CTNNA3: variants seen among roughly 807,000 people sequenced by gnomAD.
CTNNA3 encodes catenin alpha-3.
Under a neutral mutation model 95.7 loss-of-function variants are expected in CTNNA3, and 76 were observed. The ratio of observed to expected loss-of-function variants is 0.79; its 90% CI spans 0.66 to 0.96. The LOEUF (loss-of-function observed/expected upper bound fraction) is 0.96. Among genes scored for constraint, CTNNA3 ranks in the 40% least tolerant of loss-of-function variants. CTNNA3 has a pLI of 0.00. For synonymous variants in CTNNA3, 431 were observed against 374.4 expected, an observed-to-expected ratio of 1.15 and a Z score of -1.74; for missense variants, 1,191 against 1,089.8, an observed-to-expected ratio of 1.09 and a Z score of -1.31.
intron 11 of CTNNA3, among the ~76,000 whole-genome samples, chr10:66,438,986 C>G (rs1352441943): frequency 6.6e-6 from 1 of 152,072 alleles, no homozygotes; most frequent in African/African-American, 2.4e-5. Context: ...TGAGGTGATG[C>G]CCCACCCTGC....
intron 12 of CTNNA3, among the ~76,000 whole-genome samples, chr10:66,335,136 T>C (rs1260293168): frequency 6.6e-6 from 1 of 152,006 alleles, no homozygotes; most frequent in African/African-American, 2.4e-5. Context: ...TTTGTCAAAT[T>C]TTTTTTCAAG....
chr10:66,968,216 G>C (rs2132812663), intron 7 of CTNNA3, among the ~76,000 whole-genome samples: 1 of 151,890 alleles, frequency 6.6e-6, no homozygotes, highest in Non-Finnish European at 1.5e-5. Flanking sequence ...TATGTTGCTG[G>C]CTGTGGATTT....
intron 10 of CTNNA3, among the ~76,000 whole-genome samples, chr10:66,523,578 A>G (rs1841145722): frequency 6.6e-6 from 1 of 151,546 alleles, no homozygotes; most frequent in East Asian, 1.9e-4. Context: ...CGTAAAACTA[A>G]AGCTTTTTTT....
intron 11 of CTNNA3, among the ~76,000 whole-genome samples, chr10:66,420,835 A>AAATAAATAAATAAATTAATTAATTAATT (rs751801209): frequency 1.1e-5 from 1 of 92,994 alleles, no homozygotes; most frequent in African/African-American, 4.0e-5. Flanking sequence ...ATAAATAAAT[A>AAATAAATAAATAAATTAATTAATTAATT]AATAAAAAAC....
At chr10:66,400,645 G>T (rs905789251) in intron 11 of CTNNA3, among the ~76,000 whole-genome samples, 1 of 152,022 alleles carries the variant, frequency 6.6e-6, no homozygotes, top group South Asian at 2.1e-4. Context: ...CAAAATCTCT[G>T]GTAGCTTTAT....
chr10:66,473,350 C>T (rs971165579), intron 11 of CTNNA3, among the ~76,000 whole-genome samples: 2 of 151,738 alleles, frequency 1.3e-5, no homozygotes, highest in Non-Finnish European at 2.9e-5. Context: ...GAGGTTCTTC[C>T]TGCCTTGCTC....
chr10:66,431,430 T>G (rs944370250), intron 11 of CTNNA3, among the ~76,000 whole-genome samples: 29 of 152,124 alleles, frequency 1.9e-4, no homozygotes, highest in Non-Finnish European at 3.8e-4. Flanking sequence ...CATGCTGCTA[T>G]AAAGACACAT....
At chr10:67,366,826 C>T (rs185201749) in intron 5 of CTNNA3, among the ~76,000 whole-genome samples, 2 of 152,214 alleles carry the variant, frequency 1.3e-5, no homozygotes, top group East Asian at 3.9e-4. Context: ...AAGAATAAAA[C>T]TGGACCCCTA....
intron 17 of CTNNA3, among the ~76,000 whole-genome samples, chr10:65,956,810 A>G (rs1181840532): frequency 6.6e-6 from 1 of 152,144 alleles, no homozygotes; most frequent in Non-Finnish European, 1.5e-5. Context: ...ACTTCCAACT[A>G]TGTTGTCAAT....
chr10:66,803,372 G>A (rs746374384), intron 7 of CTNNA3, among the ~76,000 whole-genome samples: 8 of 151,808 alleles, frequency 5.3e-5, no homozygotes, highest in Non-Finnish European at 8.8e-5. Context: ...CTCTCACTTC[G>A]AATTTCTGAG....
chr10:66,538,658 A>G (rs1841741032), intron 10 of CTNNA3, among the ~76,000 whole-genome samples: 1 of 152,202 alleles, frequency 6.6e-6, no homozygotes. Flanking sequence ...AAGGTCACTT[A>G]CATATGCTGT....
intron 7 of CTNNA3, among the ~76,000 whole-genome samples, chr10:66,995,470 A>C (rs893001338): frequency 6.6e-6 from 1 of 152,150 alleles, no homozygotes; most frequent in Non-Finnish European, 1.5e-5. Flanking sequence ...TCCATTCTCC[A>C]AACATTCACC....
At chr10:66,434,158 A>C (rs2093319859) in intron 11 of CTNNA3, among the ~76,000 whole-genome samples, 1 of 127,126 alleles carries the variant, frequency 7.9e-6, no homozygotes, top group Non-Finnish European at 1.6e-5. Context: ...ACTTTAAAGT[A>C]GTTTTTTTCT....
At chr10:66,907,593 C>A (rs529342634) in intron 7 of CTNNA3, among the ~76,000 whole-genome samples, 8 of 152,270 alleles carry the variant, frequency 5.3e-5, no homozygotes, top group African/African-American at 1.9e-4. Context: ...AGACTTCTAG[C>A]TCTCAATATC....
At chr10:67,733,094 T>C (rs1038991683) in intron 1 of CTNNA3, among the ~76,000 whole-genome samples, 2 of 152,210 alleles carry the variant, frequency 1.3e-5, no homozygotes, top group Non-Finnish European at 2.9e-5. Flanking sequence ...ATATTTTATC[T>C]ATGTCAAATA....
chr10:67,499,848 G>A (rs957293319), intron 5 of CTNNA3, among the ~76,000 whole-genome samples: 14 of 152,056 alleles, frequency 9.2e-5, no homozygotes, highest in African/African-American at 3.1e-4. Context: ...CTGGCTAGAA[G>A]TCTATCTATT....
Position 67,374,446 on chromosome 10 carries a change from A to G in CTNNA3, c.579+147396T>C, listed in dbSNP as rs994617397. Among the ~76,000 whole-genome samples the G allele has an allele frequency of 5.3e-5, 8 of 152,292 alleles. No homozygotes were observed. In the South Asian group the frequency reaches 6.2e-4, roughly 12 times the overall value. The stretch of plus-strand genomic sequence containing the variant: ...TTGGATAACGAATGAACGAATAAAT[A>G]AATAAATAAATATTAACCAACTTTT... On this transcript the variant is annotated intron_variant, in intron 5 of 17. Transcript: ENST00000433211.
intron 5 of CTNNA3, among the ~76,000 whole-genome samples, chr10:67,515,917 C>A (rs1471982942): frequency 6.6e-6 from 1 of 152,128 alleles, no homozygotes; most frequent in Non-Finnish European, 1.5e-5. Context: ...CCTTAGACTG[C>A]ATCTAAACAA....
chr10:67,173,988 A>C (rs2132119946), intron 7 of CTNNA3, among the ~76,000 whole-genome samples: 1 of 152,274 alleles, frequency 6.6e-6, no homozygotes, highest in African/African-American at 2.4e-5. Context: ...AAGAGGATGT[A>C]ACCTTTAGGG....
Sources: gnomAD v4.1 joint callset for allele counts (sites outside exome capture counted in the v4.1 genomes callset) on GRCh38, gnomAD v4.1.1 for gene constraint, MANE v1.5 for transcripts, NCBI Gene and HGNC (gene_info 2026-07-23, HGNC 2026-07-21) for gene names.